The following L3MBTL3 variants were observed in gnomAD, a reference collection of about 807,000 sequenced individuals.
L3MBTL3 encodes the protein lethal(3)malignant brain tumor-like protein 3.
Under a neutral mutation model 102.3 loss-of-function variants are expected in L3MBTL3, and 27 were observed. That is an observed-to-expected ratio of 0.26 (90% CI 0.19 to 0.36). The LOEUF (loss-of-function observed/expected upper bound fraction) is 0.36, where lower values mean the gene tolerates loss of function less well. Ranked by LOEUF, L3MBTL3 falls within the 10% of genes least tolerant of loss-of-function variation. The pLI is 1.00. For missense variants in L3MBTL3, 798 were observed against 955.3 expected, an observed-to-expected ratio of 0.84 and a Z score of 2.17; for synonymous variants, 340 against 320.9, an observed-to-expected ratio of 1.06 and a Z score of -0.64.
At chr6:130,116,260 T>C (rs1785669701) in intron 19 of L3MBTL3, among the ~76,000 whole-genome samples, 1 of 152,242 alleles carries the variant, frequency 6.6e-6, no homozygotes. Context: ...CTATACATTA[T>C]TTTATTTCAT....
Position 130,057,443 on chromosome 6 carries a change from A to C in L3MBTL3, c.705A>C (p.Ala235=), listed in dbSNP as rs1471521145. The stretch of plus-strand genomic sequence containing the variant: ...AAGGAAAGAAAGCGTGGTGCTGGGC[A>C]TCCTACCTGGAAGAGGAGAAAGCGG... ...PPKGKKAWCW[A]SYLEEEKAVA... is the part of the protein sequence containing the mutation. The change falls in exon 9 of 23, where the codon GCA becomes GCC. Residue 235 remains alanine (A), a synonymous_variant. Transcript: ENST00000361794. 1 of 1,611,278 alleles carries C rather than the reference A, an allele frequency of 6.2e-7. No homozygotes were observed. Among genetic ancestry groups the C allele is most frequent in the African/African-American group, 1.3e-5 (1 of 74,888 alleles).
intron 9 of L3MBTL3, 86 bp from the exon 10 acceptor site, chr6:130,059,950 T>G (rs1781779990): frequency 2.9e-6 from 2 of 679,282 alleles, no homozygotes; most frequent in Non-Finnish European, 5.0e-6. Context: ...GGTTAAATAG[T>G]CTTTATTTTT....
intron 3 of L3MBTL3, among the ~76,000 whole-genome samples, chr6:130,047,658 C>T (rs954116584): frequency 1.4e-4 from 21 of 152,030 alleles, no homozygotes; most frequent in Non-Finnish European, 2.8e-4. Flanking sequence ...CAAGCTTGTG[C>T]CTATTGTTTT....
intron 13 of L3MBTL3, among the ~76,000 whole-genome samples, chr6:130,074,815 C>G (rs12190724): frequency 0.19 from 29,129 of 152,056 alleles, 3,293 homozygotes; most frequent in Non-Finnish European, 0.25. Flanking sequence ...CCAGTGGAGT[C>G]AGGGCAAAAA....
At chr6:130,062,986 C>T (rs1584353267) in intron 10 of L3MBTL3, among the ~76,000 whole-genome samples, 1 of 82,742 alleles carries the variant, frequency 1.2e-5, no homozygotes, top group Non-Finnish European at 2.5e-5. Flanking sequence ...CCCTTCTTGC[C>T]TTTCTTTTTT....
intron 20 of L3MBTL3, among the ~76,000 whole-genome samples, chr6:130,131,250 A>T (rs1456096002): frequency 1.3e-5 from 2 of 152,216 alleles, no homozygotes; most frequent in Non-Finnish European, 2.9e-5. Context: ...ATAGGGAAAG[A>T]TTATCATTAA....
At chr6:130,121,183 C>A (rs1260071137) in intron 20 of L3MBTL3, among the ~76,000 whole-genome samples, 1 of 152,176 alleles carries the variant, frequency 6.6e-6, no homozygotes, top group Non-Finnish European at 1.5e-5. Context: ...ACGAATTAAG[C>A]CCAGTACCTG....
chr6:130,079,188 A>G (rs935807262), intron 14 of L3MBTL3, among the ~76,000 whole-genome samples: 16 of 152,304 alleles, frequency 1.1e-4, no homozygotes, highest in Admixed American at 1.0e-3. Context: ...TAAGTGAGAA[A>G]TTGAGGCTTT....
chr6:130,067,977 GA>G (rs1325016263), intron 11 of L3MBTL3, among the ~76,000 whole-genome samples: 2 of 152,098 alleles, frequency 1.3e-5, no homozygotes, highest in African/African-American at 4.8e-5. Flanking sequence ...CTAGGTGAGA[GA>G]AAAATAAAGA....
At chr6:130,094,146 G>T in intron 17 of L3MBTL3, 119 bp from the exon 18 acceptor site, 2 of 593,678 alleles carry the variant, frequency 3.4e-6, no homozygotes, top group South Asian at 3.0e-5. Flanking sequence ...ATGTATGTTG[G>T]TTAAAAAATT....
intron 22 of L3MBTL3, among the ~76,000 whole-genome samples, chr6:130,134,696 T>A (rs1435846446): frequency 6.6e-6 from 1 of 152,012 alleles, no homozygotes; most frequent in Non-Finnish European, 1.5e-5. Flanking sequence ...GTAGACTGAG[T>A]AATCTCAGAA....
rs936258724 is a variant in L3MBTL3 at position 130,021,631 on chromosome 6, G to A, written c.-94-596G>A. Among the ~76,000 whole-genome samples the A allele has an allele frequency of 1.4e-4, 21 of 152,182 alleles. 1 individual carries two copies. Among genetic ancestry groups the A allele is most frequent in the Non-Finnish European group, 2.9e-5 (2 of 68,016 alleles). ...GTTGAAATGTGTTTAAAACTTTGAA[G>A]AAATGGAAAAGACCTTTAGTTGAGA... On this transcript the variant is annotated intron_variant, in intron 1 of 22. Coordinates refer to ENST00000361794, the MANE Select transcript of L3MBTL3 (RefSeq NM_032438.4).
In L3MBTL3 at chr6:130,060,155, G is replaced by T. The variant is rs774248974; in HGVS notation, c.864+15G>T. 6.9e-7 allele frequency: 1 copy of T among 1,450,820 alleles called. No individual in the cohort carries two copies. Among genetic ancestry groups the T allele is most frequent in the Admixed American group, 2.0e-5 (1 of 49,624 alleles). 89.9% of individuals were successfully genotyped at this position (1,450,820 alleles called of 1,614,324 possible). On this transcript the variant is annotated intron_variant, in intron 10 of 22. Transcript: ENST00000361794. ...CCGTCGCGGAGGTAAGCTTTGCCTC[G>T]TCCTTTATTTTTAAAATAAAATGGT...
intron 19 of L3MBTL3, among the ~76,000 whole-genome samples, chr6:130,113,980 A>C (rs1194689426): frequency 6.6e-6 from 1 of 152,218 alleles, no homozygotes; most frequent in African/African-American, 2.4e-5. Context: ...TTTTTGCCCC[A>C]TGAGGTCTTC....
At chr6:130,020,029 G>T (rs894331197) in intron 1 of L3MBTL3, among the ~76,000 whole-genome samples, 81 of 145,966 alleles carry the variant, frequency 5.5e-4, no homozygotes, top group African/African-American at 8.6e-4. Flanking sequence ...GCGGGCTTGT[G>T]GGGGGAGGGT....
At chr6:130,069,619 A>G (rs1320851302) in intron 12 of L3MBTL3, among the ~76,000 whole-genome samples, 2 of 152,218 alleles carry the variant, frequency 1.3e-5, no homozygotes, top group Non-Finnish European at 2.9e-5. Flanking sequence ...CTCTGTCAAA[A>G]CTTATCCCAG....
chr6:130,076,181 C>T (rs1782938191), intron 13 of L3MBTL3, among the ~76,000 whole-genome samples: 1 of 152,108 alleles, frequency 6.6e-6, no homozygotes, highest in Non-Finnish European at 1.5e-5. Context: ...AGCCAAGTGT[C>T]CTGTATTTCT....
At chr6:130,139,030 C>G (rs192777332) in intron 22 of L3MBTL3, among the ~76,000 whole-genome samples, 6 of 152,128 alleles carry the variant, frequency 3.9e-5, no homozygotes, top group Admixed American at 3.9e-4. Context: ...GTCAGTGACT[C>G]GTAACACCAG....
intron 19 of L3MBTL3, among the ~76,000 whole-genome samples, chr6:130,114,799 T>C (rs903500081): frequency 6.6e-6 from 1 of 152,216 alleles, no homozygotes; most frequent in Non-Finnish European, 1.5e-5. Context: ...TTTATTTGAA[T>C]GTTACTCATA....
Sources: allele counts gnomAD v4.1 joint callset (sites outside exome capture counted in the v4.1 genomes callset), GRCh38; gene constraint gnomAD v4.1.1; transcripts MANE v1.5; gene names NCBI Gene and HGNC (gene_info 2026-07-23, HGNC 2026-07-21).